The following DNAH11 variants were observed in gnomAD, a reference collection of about 807,000 sequenced individuals.
DNAH11 encodes dynein axonemal heavy chain 11.
DNAH11 carries 442 observed loss-of-function variants against 526.0 expected under a neutral mutation model. The ratio of observed to expected loss-of-function variants is 0.84; its 90% CI spans 0.78 to 0.91. The LOEUF (loss-of-function observed/expected upper bound fraction) is 0.91. Ranked by LOEUF, DNAH11 falls within the 40% of genes least tolerant of loss-of-function variation. DNAH11 has a pLI of 0.00. For missense variants in DNAH11, 6,989 were observed against 5,448.7 expected (o/e 1.28, Z -8.90); for synonymous variants, 2,461 against 1,935.9 (o/e 1.27, Z -7.12).
chr7:21,729,403 T>A (rs139563588), intron 45 of DNAH11, among the ~76,000 whole-genome samples: 136 of 152,356 alleles, frequency 8.9e-4, no homozygotes, highest in African/African-American at 3.2e-3. Flanking sequence ...TTTGGTGTTC[T>A]CTCCAGAATA....
Position 21,682,248 on chromosome 7 carries a change from C to T in DNAH11, c.5460+571C>T, listed in dbSNP as rs986371839. Among the ~76,000 whole-genome samples, 9 of 152,100 alleles carry T rather than the reference C, an allele frequency of 5.9e-5. No homozygotes were observed. The South Asian group carries it at 6.2e-4, about 11-fold the overall frequency. On this transcript the variant is annotated intron_variant, in intron 31 of 81. Transcript: ENST00000409508. ...TTTTATATATCTTTAAAAAGTCGGC[C>T]GGGCATGGTGGCTCACGCCTGTAAT...
In DNAH11 at chr7:21,617,732, T is replaced by A. The variant is rs1347131272; in HGVS notation, c.4209T>A (p.Pro1403=). Residue 1403 remains proline (P), a synonymous_variant, in exon 23 of 82, where the codon CCT becomes CCA. Transcript: ENST00000409508. ...SLRAITELQS[P]ALRDRHWHQL... ...GGGCCATCACAGAGTTACAGAGCCC[T>A]GCCCTCAGGGACAGGCATTGGCACC... 15 of 1,611,410 alleles carry A rather than the reference T, an allele frequency of 9.3e-6. No individual in the cohort carries two copies. The highest frequency in any genetic ancestry group is 1.3e-5 in the Non-Finnish European group (15 of 1,178,938).
At chr7:21,787,287 C>T (rs138879044) in intron 59 of DNAH11, 114 bp from the exon 60 acceptor site, 8 of 975,656 alleles carry the variant, frequency 8.2e-6, no homozygotes, top group Non-Finnish European at 1.2e-5. Flanking sequence ...ATAAATGCAG[C>T]TTGCCAATTT....
chr7:21,826,913 C>A (rs1790324532), intron 65 of DNAH11, among the ~76,000 whole-genome samples: 1 of 152,052 alleles, frequency 6.6e-6, no homozygotes, highest in African/African-American at 2.4e-5. Flanking sequence ...TTAGTTTATT[C>A]CTAATAATGA....
At chr7:21,749,107 G>C (rs1251991150) in intron 52 of DNAH11, among the ~76,000 whole-genome samples, 3 of 152,070 alleles carry the variant, frequency 2.0e-5, no homozygotes, top group African/African-American at 7.2e-5. Context: ...AACTTCACAA[G>C]TAAAAATAGA....
At chr7:21,611,239 C>T (rs1437374483) in intron 20 of DNAH11, among the ~76,000 whole-genome samples, 1 of 152,134 alleles carries the variant, frequency 6.6e-6, no homozygotes, top group Non-Finnish European at 1.5e-5. Context: ...ATTCCAGTGT[C>T]CCTGGACTTT....
chr7:21,693,697 A>G (rs773042404), intron 35 of DNAH11, among the ~76,000 whole-genome samples: 5 of 152,100 alleles, frequency 3.3e-5, no homozygotes, highest in Non-Finnish European at 5.9e-5. Context: ...GGTAATTTAA[A>G]TCTTTTAAGG....
At position 21,705,451 on chromosome 7, in the gene DNAH11, G is replaced by T. The variant is rs775217212; in HGVS notation, c.6469-9G>T. ...AAAGGAAACCAGCAACCAGCTGTTTGCTCTGCAGGTTGTCCAGCTTGAGGA... is the reference window on the plus strand; with the variant it reads ...AAAGGAAACCAGCAACCAGCTGTTTTCTCTGCAGGTTGTCCAGCTTGAGGA... On this transcript the variant is annotated splice_polypyrimidine_tract_variant and intron_variant, in intron 38 of 81. Coordinates refer to ENST00000409508, the MANE Select transcript of DNAH11 (RefSeq NM_001277115.2). The T allele has an allele frequency of 8.1e-6, 13 of 1,613,494 alleles. No homozygotes were observed. Among genetic ancestry groups the T allele is most frequent in the South Asian group, 1.1e-5 (1 of 91,032 alleles).
At chr7:21,816,807 A>C (rs556299751) in intron 64 of DNAH11, 105 bp downstream of exon 64, 3 of 883,596 alleles carry the variant, frequency 3.4e-6, no homozygotes, top group African/African-American at 3.4e-5. Flanking sequence ...ACATTGATGT[A>C]TTACAATTTG....
At chr7:21,677,211 T>C (rs928861800) in intron 30 of DNAH11, among the ~76,000 whole-genome samples, 1 of 151,964 alleles carries the variant, frequency 6.6e-6, no homozygotes, top group Non-Finnish European at 1.5e-5. Flanking sequence ...GCCTTTTTTT[T>C]TTTTTTTTTT....
rs540777267 is a variant in DNAH11 at position 21,804,625 on chromosome 7, A to G, written c.10166-3258A>G. ...TGAATCACCCTTGACTCTGTGTGAC[A>G]TCAAATCCATCAGATATTCTATTGA... On this transcript the variant is annotated intron_variant, in intron 62 of 81. Coordinates refer to ENST00000409508, the MANE Select transcript of DNAH11 (RefSeq NM_001277115.2). Among the ~76,000 whole-genome samples, 10 of 152,216 alleles carry G rather than the reference A, an allele frequency of 6.6e-5. No individual in the cohort carries two copies. In the South Asian group the frequency reaches 2.1e-3, roughly 32 times the overall value.
intron 2 of DNAH11, among the ~76,000 whole-genome samples, chr7:21,549,720 T>C (rs1191368175): frequency 1.3e-5 from 2 of 152,210 alleles, no homozygotes; most frequent in Non-Finnish European, 2.9e-5. Flanking sequence ...GTCTCCAGGC[T>C]GGAGTTACCC....
intron 9 of DNAH11, among the ~76,000 whole-genome samples, chr7:21,585,972 G>C (rs1053955661): frequency 2.0e-4 from 30 of 152,182 alleles, no homozygotes; most frequent in African/African-American, 7.0e-4. Context: ...TAGTTTTACT[G>C]TGAACAAAGA....
intron 22 of DNAH11, 25 bp downstream of exon 22, chr7:21,616,317 A>G: frequency 6.3e-7 from 1 of 1,581,542 alleles, no homozygotes; most frequent in East Asian, 2.3e-5. Flanking sequence ...TGTCTATTAC[A>G]ACAATTTATC....
At chr7:21,683,524 T>C (rs1352908249) in intron 31 of DNAH11, among the ~76,000 whole-genome samples, 5 of 152,230 alleles carry the variant, frequency 3.3e-5, no homozygotes, top group Non-Finnish European at 7.3e-5. Flanking sequence ...CCTGGGGTGA[T>C]TCATAAAAGA....
chr7:21,641,282 A>T (rs1462097608), intron 28 of DNAH11, among the ~76,000 whole-genome samples: 1 of 152,122 alleles, frequency 6.6e-6, no homozygotes, highest in African/African-American at 2.4e-5. Flanking sequence ...TACCTTACCC[A>T]AAAAAGGCGG....
chr7:21,715,029 T>G (rs1353429535), intron 42 of DNAH11, among the ~76,000 whole-genome samples: 2 of 152,236 alleles, frequency 1.3e-5, no homozygotes, highest in Admixed American at 6.5e-5. Flanking sequence ...GCAATCCCAC[T>G]GTCTCATCTT....
At chr7:21,821,037 C>A (rs1790029982) in intron 65 of DNAH11, among the ~76,000 whole-genome samples, 1 of 151,894 alleles carries the variant, frequency 6.6e-6, no homozygotes, top group South Asian at 2.1e-4. Flanking sequence ...GTGGAGGGGA[C>A]AAATCAGTGT....
In DNAH11 at chr7:21,839,824, C is replaced by T. The variant is rs188485296; in HGVS notation, c.10692-2720C>T. On this transcript the variant is annotated intron_variant, in intron 65 of 81. Transcript: ENST00000409508. Reference sequence around the variant, plus strand: ...ACTTAATCAACAACTCTGAAGGTTTCTGTTGTCAGTGTAAGATCACTCTGC... The same window carrying T: ...ACTTAATCAACAACTCTGAAGGTTTTTGTTGTCAGTGTAAGATCACTCTGC... 6.4e-3 allele frequency among the ~76,000 whole-genome samples: 975 copies of T among 152,250 alleles called. 13 individuals carry two copies. Among genetic ancestry groups the T allele is most frequent in the African/African-American group, 0.022 (916 of 41,520 alleles).
Sources: gnomAD v4.1 joint callset for allele counts (sites outside exome capture counted in the v4.1 genomes callset) on GRCh38, gnomAD v4.1.1 for gene constraint, MANE v1.5 for transcripts, NCBI Gene and HGNC (gene_info 2026-07-23, HGNC 2026-07-21) for gene names.